GALC: variants seen among roughly 807,000 people sequenced by gnomAD.
GALC encodes galactocerebrosidase.
A neutral mutation model predicts 91.8 loss-of-function variants in GALC; 77 were observed. That is an observed-to-expected ratio of 0.84 (90% CI 0.70 to 1.01). The LOEUF is 1.01. Ranked by LOEUF, GALC falls within the 50% of genes least tolerant of loss-of-function variation. The pLI is 0.00. For synonymous variants in GALC, 357 were observed against 306.7 expected (o/e 1.16, Z -1.71); for missense variants, 882 against 855.9 (o/e 1.03, Z -0.38).
At chr14:87,952,586 T>A in intron 10 of GALC, 1 of 1,310,104 alleles carries the variant, frequency 7.6e-7, no homozygotes, top group South Asian at 1.2e-5. Flanking sequence ...TGTCCGTTGC[T>A]GACCCCCGGA....
In GALC at chr14:87,934,109, G is replaced by T; in HGVS notation, c.*623C>A. 1 of 1,492,022 alleles carries T rather than the reference G, an allele frequency of 6.7e-7. No homozygotes were observed. Among genetic ancestry groups the T allele is most frequent in the South Asian group, 1.3e-5 (1 of 78,024 alleles). 92.4% of individuals were successfully genotyped at this position (1,492,022 alleles called of 1,614,324 possible). A position where few individuals can be genotyped will look rare whatever the true frequency, so the allele number is the denominator to read the frequency against. The stretch of plus-strand genomic sequence containing the variant: ...TAATCTGCTAATATCTATTACTGCA[G>T]AAATAGTGTTAGAGGTAGTTTATTA... On this transcript the variant is annotated 3_prime_UTR_variant, in exon 17 of 17. Transcript: ENST00000261304.
intron 16 of GALC, among the ~76,000 whole-genome samples, chr14:87,937,323 A>G (rs1884619340): frequency 6.6e-6 from 1 of 151,970 alleles, no homozygotes; most frequent in South Asian, 2.1e-4. Context: ...CACACACAAA[A>G]TGAGAGCTAA....
chr14:87,985,857 T>C (rs1886946149), intron 4 of GALC, among the ~76,000 whole-genome samples: 1 of 152,326 alleles, frequency 6.6e-6, no homozygotes, highest in South Asian at 2.1e-4. Flanking sequence ...TTTAAGCAAC[T>C]AGCCAATGAT....
intron 16 of GALC, among the ~76,000 whole-genome samples, chr14:87,939,430 T>G (rs1884736484): frequency 6.6e-6 from 1 of 151,888 alleles, no homozygotes; most frequent in Non-Finnish European, 1.5e-5. Flanking sequence ...TCAGGAACAT[T>G]TTTATATTTC....
chr14:87,980,172 A>G (rs138245775), intron 6 of GALC, among the ~76,000 whole-genome samples: 17,150 of 152,058 alleles, frequency 0.11, 1,114 homozygotes, highest in Non-Finnish European at 0.16. Flanking sequence ...CACAAGGTCA[A>G]GAATTCAAGA....
Position 87,953,712 on chromosome 14 carries a change from T to C in GALC, c.1162-2964A>G, listed in dbSNP as rs1885403048. ...CTAAGAAAATGAAGTTGATTTCTAATGCAGGAGATTCTGTTGTAGAAATGG... is the reference window on the plus strand; with the variant it reads ...CTAAGAAAATGAAGTTGATTTCTAACGCAGGAGATTCTGTTGTAGAAATGG... On this transcript the variant is annotated intron_variant, in intron 10 of 16. Transcript: ENST00000261304. The C allele has an allele frequency of 3.1e-6, 5 of 1,607,942 alleles. No homozygotes were observed. In the Middle Eastern group the frequency reaches 6.8e-4, roughly 218 times the overall value.
Position 87,936,910 on chromosome 14 carries a change from ATATTTATT to A in GALC, c.1912-2040_1912-2033del, listed in dbSNP as rs1346240665. Among the ~76,000 whole-genome samples the A allele has an allele frequency of 7.1e-4, 99 of 138,874 alleles. 5 individuals are homozygous for A. The highest frequency in any genetic ancestry group is 1.3e-3 in the East Asian group (6 of 4,540). The allele number at this position is 138,874 out of a possible 152,430, so 91.1% of individuals were successfully genotyped here. Reference sequence around the variant, plus strand: ...CATATCAGGTACTATATATATATATATATTTATTTATTTTCTCATTGAATCTTCATAAG... The same window carrying A: ...CATATCAGGTACTATATATATATATATATTTTCTCATTGAATCTTCATAAG... On this transcript the variant is annotated intron_variant, in intron 16 of 16. Transcript: ENST00000261304.
chr14:87,936,913 T>TATATATATATATATATATATATATA (rs57995994), intron 16 of GALC, among the ~76,000 whole-genome samples: 1 of 122,482 alleles, frequency 8.2e-6, no homozygotes, highest in African/African-American at 3.3e-5. Context: ...TATATATATA[T>TATATATATATATATATATATATATA]TTATTTATTT....
At chr14:87,953,375 A>AT (rs1885390041) in intron 10 of GALC, 1 of 1,426,292 alleles carries the variant, frequency 7.0e-7, no homozygotes, top group East Asian at 2.3e-5. Flanking sequence ...CAACTTGATG[A>AT]TTTTACAGAA....
intron 1 of GALC, 164 bp downstream of exon 1, chr14:87,992,806 C>CGCAGCGGGCCCGCCCCAGCCT: frequency 7.1e-7 from 1 of 1,405,588 alleles, no homozygotes; most frequent in Non-Finnish European, 9.2e-7. Flanking sequence ...CGCCCCAGCC[C>CGCAGCGGGCCCGCCCCAGCCT]CGCAGCGGGC....
chr14:87,950,725 T>C lies in GALC; in HGVS notation c.1185A>G (p.Ile395Met). Residue 395 changes from isoleucine (I) to methionine (M), a missense_variant, in exon 11 of 17, where the codon ATA becomes ATG. Coordinates refer to ENST00000261304, the MANE Select transcript of GALC (RefSeq NM_000153.4). ...CATTGAAATAAGGAAGAAATGGCCG[T>C]ATGCACTTAGAATGTTTATGACTCT... ...ETMSHKHSKC[I>M]RPFLPYFNVS... 1 of 1,599,540 alleles carries C rather than the reference T, an allele frequency of 6.3e-7. No homozygotes were observed. The highest frequency in any genetic ancestry group is 1.1e-5 in the South Asian group (1 of 90,326).
chr14:87,993,268 G>A (rs1887317944), upstream of GALC: 5 of 1,538,436 alleles, frequency 3.3e-6, no homozygotes, highest in South Asian at 3.6e-5. Context: ...CCGCCATTTT[G>A]AGTGCGGGTC....
chr14:87,946,398 A>G (rs574741236), intron 13 of GALC, among the ~76,000 whole-genome samples: 5 of 152,162 alleles, frequency 3.3e-5, no homozygotes, highest in East Asian at 3.9e-4. Flanking sequence ...GAAATTTTAC[A>G]TATCTTATAG....
At position 87,954,918 on chromosome 14, in the gene GALC, A is replaced by G. The variant is rs1457709726; in HGVS notation, c.1162-4170T>C. On this transcript the variant is annotated intron_variant, in intron 10 of 16. Coordinates refer to ENST00000261304, the MANE Select transcript of GALC (RefSeq NM_000153.4). ...CTTTAATGACTGTAGTTGATGGAAGACATGATGTTTACATCCGTGTAGACT... is the reference window on the plus strand; with the variant it reads ...CTTTAATGACTGTAGTTGATGGAAGGCATGATGTTTACATCCGTGTAGACT... 18 of 1,552,612 alleles carry G rather than the reference A, an allele frequency of 1.2e-5. No homozygotes were observed. In the East Asian group the frequency reaches 3.8e-4, roughly 33 times the overall value.
chr14:87,967,478 C>A (rs972754193), intron 8 of GALC, among the ~76,000 whole-genome samples: 3 of 152,110 alleles, frequency 2.0e-5, no homozygotes, highest in African/African-American at 7.2e-5. Flanking sequence ...TATACAGCAA[C>A]CCACATTAAC....
chr14:87,984,135 C>G (rs201044448), intron 5 of GALC, among the ~76,000 whole-genome samples: 1 of 116,280 alleles, frequency 8.6e-6, no homozygotes, highest in Non-Finnish European at 1.8e-5. Context: ...TGGGTTGATA[C>G]AAAAAAAAAA....
intron 3 of GALC, 103 bp downstream of exon 3, chr14:87,988,041 A>G (rs1020942736): frequency 1.1e-6 from 1 of 882,326 alleles, no homozygotes. Context: ...ATCAATCTCA[A>G]AAGTGTTGGT....
At chr14:87,979,873 T>A (rs1886662724) in intron 6 of GALC, among the ~76,000 whole-genome samples, 1 of 152,194 alleles carries the variant, frequency 6.6e-6, no homozygotes, top group South Asian at 2.1e-4. Context: ...TTATCAGACC[T>A]GTGCTCACAG....
intron 9 of GALC, among the ~76,000 whole-genome samples, chr14:87,965,066 T>G (rs1259973795): frequency 6.6e-6 from 1 of 152,188 alleles, no homozygotes; most frequent in Non-Finnish European, 1.5e-5. Context: ...AATACAGTAT[T>G]TTTAATCATC....
Sources: gnomAD v4.1 joint callset for allele counts (sites outside exome capture counted in the v4.1 genomes callset) on GRCh38, gnomAD v4.1.1 for gene constraint, MANE v1.5 for transcripts, NCBI Gene and HGNC (gene_info 2026-07-23, HGNC 2026-07-21) for gene names.